Variants in DYM observed in about 807,000 individuals in gnomAD.
DYM encodes the protein dyggve-Melchior-Clausen syndrome protein.
Under a neutral mutation model 93.1 loss-of-function variants are expected in DYM, and 78 were observed. The ratio of observed to expected loss-of-function variants is 0.84; its 90% CI spans 0.70 to 1.01. The LOEUF is 1.01. Among genes scored for constraint, DYM ranks in the 50% least tolerant of loss-of-function variants. The probability of loss-of-function intolerance (pLI) is 0.00; values close to 1 mark genes in which losing one functional copy is unlikely to be tolerated. For synonymous variants in DYM, 321 were observed against 319.7 expected (o/e 1.00, Z -0.04); for missense variants, 789 against 845.0 (o/e 0.93, Z 0.82).
chr18:49,149,707 T>G (rs1460154817), intron 15 of DYM, among the ~76,000 whole-genome samples: 4 of 139,770 alleles, frequency 2.9e-5, no homozygotes, highest in African/African-American at 8.1e-5. Flanking sequence ...AAAGTGTTTT[T>G]TTTTTTTTTT....
chr18:49,321,237 C>G lies in DYM; in HGVS notation c.763+10627G>C. Reference sequence around the variant, plus strand: ...AATCATTAGCACCAAATAAATGGCACTTGTAGCAAGTCTCAGAAACTTATC... The same window carrying G: ...AATCATTAGCACCAAATAAATGGCAGTTGTAGCAAGTCTCAGAAACTTATC... On this transcript the variant is annotated intron_variant, in intron 8 of 17. Transcript: ENST00000675505. 7.6e-6 allele frequency: 3 copies of G among 396,106 alleles called. No individual in the cohort carries two copies. In the Admixed American group the frequency reaches 1.3e-4, roughly 17 times the overall value. The allele number at this position is 396,106 out of a possible 1,614,324, so 24.5% of individuals were successfully genotyped here.
At chr18:49,127,963 T>G (rs569852356) in intron 15 of DYM, among the ~76,000 whole-genome samples, 1 of 152,198 alleles carries the variant, frequency 6.6e-6, no homozygotes. Flanking sequence ...TGTGGTCTTT[T>G]TCTACACTCC....
intron 6 of DYM, among the ~76,000 whole-genome samples, chr18:49,362,593 C>G (rs748212372): frequency 6.6e-6 from 1 of 152,138 alleles, no homozygotes; most frequent in Non-Finnish European, 1.5e-5. Flanking sequence ...AAAAGACTAT[C>G]CACATTCCAG....
chr18:49,437,806 T>C (rs1321237149), intron 1 of DYM, among the ~76,000 whole-genome samples: 1 of 152,232 alleles, frequency 6.6e-6, no homozygotes, highest in Non-Finnish European at 1.5e-5. Context: ...GCATCTCTCT[T>C]GCCGTGAATA....
At chr18:49,204,398 C>G (rs574733450) in intron 14 of DYM, among the ~76,000 whole-genome samples, 1 of 152,190 alleles carries the variant, frequency 6.6e-6, no homozygotes, top group South Asian at 2.1e-4. Context: ...CAACACTAAA[C>G]TTAGCCCTTC....
intron 13 of DYM, among the ~76,000 whole-genome samples, chr18:49,247,227 C>G (rs1338496396): frequency 2.0e-5 from 3 of 152,200 alleles, no homozygotes; most frequent in Admixed American, 2.0e-4. Context: ...CAGGTGTCAC[C>G]TGGCCCTTGT....
chr18:49,331,851 T>C lies in DYM; in HGVS notation c.763+13A>G. 2 of 1,613,990 alleles carry C rather than the reference T, an allele frequency of 1.2e-6. No homozygotes were observed. The highest frequency in any genetic ancestry group is 1.7e-6 in the Non-Finnish European group (2 of 1,179,924). On this transcript the variant is annotated intron_variant, in intron 8 of 17. Coordinates refer to ENST00000675505, the MANE Select transcript of DYM (RefSeq NM_001353214.3). ...TGTGCACCAAAGAATTGAAAAAATCTGATAAAACTTACTTGCTACTCCTGA... is the reference window on the plus strand; with the variant it reads ...TGTGCACCAAAGAATTGAAAAAATCCGATAAAACTTACTTGCTACTCCTGA...
chr18:49,217,246 G>T (rs1334632269), intron 13 of DYM, among the ~76,000 whole-genome samples: 1 of 152,162 alleles, frequency 6.6e-6, no homozygotes, highest in Non-Finnish European at 1.5e-5. Context: ...AAGAAATATG[G>T]GACTATGTGA....
At chr18:49,199,799 T>G (rs927433531) in intron 14 of DYM, among the ~76,000 whole-genome samples, 3 of 152,224 alleles carry the variant, frequency 2.0e-5, no homozygotes, top group Admixed American at 2.0e-4. Context: ...TGTCTTAGAT[T>G]TAGACTGAAG....
At chr18:49,234,185 T>G (rs2093792638) in intron 13 of DYM, among the ~76,000 whole-genome samples, 1 of 151,850 alleles carries the variant, frequency 6.6e-6, no homozygotes, top group Non-Finnish European at 1.5e-5. Context: ...CCATGCATGG[T>G]GGCTCATGCC....
intron 15 of DYM, among the ~76,000 whole-genome samples, chr18:49,121,206 C>T (rs931443147): frequency 6.6e-6 from 1 of 152,112 alleles, no homozygotes. Flanking sequence ...AAGAAAGAGA[C>T]AAATGGTAAT....
rs554450149 is a variant in DYM, at chr18:49,216,860, A to G, written c.1461-7145T>C. 1.6e-4 allele frequency among the ~76,000 whole-genome samples: 25 copies of G among 152,358 alleles called. 2 individuals are homozygous for G. In the South Asian group the frequency reaches 5.0e-3, roughly 30 times the overall value. On this transcript the variant is annotated intron_variant, in intron 13 of 17. Transcript: ENST00000675505. ...AAAGCAGAGTGCCTCTCCTCCTCCA[A>G]AGGAACGCAGTTCCTCACCAGCAAT...
intron 2 of DYM, among the ~76,000 whole-genome samples, chr18:49,417,769 T>C (rs2073156452): frequency 6.6e-6 from 1 of 152,238 alleles, no homozygotes; most frequent in African/African-American, 2.4e-5. Context: ...TGTTTGCTGA[T>C]TTACAGATAA....
chr18:49,417,294 A>G (rs759337152), intron 2 of DYM, among the ~76,000 whole-genome samples: 1 of 151,934 alleles, frequency 6.6e-6, no homozygotes, highest in African/African-American at 2.4e-5. Context: ...GACTACAAGC[A>G]TAAGCCACCG....
chr18:49,223,227 G>A (rs2093425176), intron 13 of DYM, among the ~76,000 whole-genome samples: 1 of 152,124 alleles, frequency 6.6e-6, no homozygotes, highest in Admixed American at 6.6e-5. Flanking sequence ...AAAGATGTGA[G>A]TTGAATAGTT....
At chr18:49,128,058 C>T (rs549004085) in intron 15 of DYM, among the ~76,000 whole-genome samples, 11 of 152,348 alleles carry the variant, frequency 7.2e-5, no homozygotes, top group African/African-American at 2.6e-4. Flanking sequence ...TGCAAAGGCA[C>T]TGGAGGCAGT....
intron 15 of DYM, among the ~76,000 whole-genome samples, chr18:49,151,864 C>A: frequency 6.6e-6 from 1 of 151,934 alleles, no homozygotes; most frequent in South Asian, 2.1e-4. Context: ...TCTGAGCAAA[C>A]AGAAAATTAA....
intron 8 of DYM, among the ~76,000 whole-genome samples, chr18:49,293,736 T>C (rs1298760549): frequency 1.3e-5 from 2 of 152,206 alleles, no homozygotes; most frequent in African/African-American, 4.8e-5. Flanking sequence ...AGTGGATAGA[T>C]TGCAAAAATT....
chr18:49,084,784 A>C (rs1486801170), intron 17 of DYM, among the ~76,000 whole-genome samples: 2 of 152,236 alleles, frequency 1.3e-5, no homozygotes, highest in African/African-American at 4.8e-5. Context: ...CTGGAAGAAG[A>C]AAGTTGCAAA....
Sources: gnomAD v4.1 joint callset for allele counts (sites outside exome capture counted in the v4.1 genomes callset) on GRCh38, gnomAD v4.1.1 for gene constraint, MANE v1.5 for transcripts, NCBI Gene and HGNC (gene_info 2026-07-23, HGNC 2026-07-21) for gene names.